Variants in FANCA observed in about 807,000 individuals in gnomAD.
FANCA encodes the protein FA complementation group A.
FANCA carries 236 observed loss-of-function variants against 194.3 expected under a neutral mutation model. The ratio of observed to expected loss-of-function variants is 1.21; its 90% CI spans 1.09 to 1.35. The LOEUF (loss-of-function observed/expected upper bound fraction) is 1.35. Ranked by LOEUF, FANCA falls within the 40% of genes most tolerant of loss-of-function variation. The pLI is 0.00. For synonymous variants in FANCA, 1,014 were observed against 715.8 expected, an observed-to-expected ratio of 1.42 and a Z score of -6.65; for missense variants, 2,628 against 1,813.9, an observed-to-expected ratio of 1.45 and a Z score of -8.15.
intron 2 of FANCA, among the ~76,000 whole-genome samples, chr16:89,815,091 G>C (rs2041051633): frequency 6.6e-6 from 1 of 151,984 alleles, no homozygotes; most frequent in African/African-American, 2.4e-5. Flanking sequence ...AGGCTGGAGT[G>C]CAATGGCGGG....
intron 10 of FANCA, 77 bp downstream of exon 10, chr16:89,799,089 T>C (rs751090997): frequency 6.2e-7 from 1 of 1,614,088 alleles, no homozygotes; most frequent in Non-Finnish European, 8.5e-7. Context: ...TCTGGAAGTG[T>C]TTAAAATATC....
intron 36 of FANCA, chr16:89,744,741 C>G (rs2062205715): frequency 1.7e-6 from 1 of 594,490 alleles, no homozygotes; most frequent in Non-Finnish European, 3.1e-6. Context: ...ACTGGAAACT[C>G]CACCTCCTGG....
chr16:89,791,416 G>T lies in FANCA; in HGVS notation c.1346C>A (p.Ala449Glu). 2.5e-6 allele frequency: 4 copies of T among 1,614,010 alleles called. No homozygotes were observed. The highest frequency in any genetic ancestry group is 3.4e-6 in the Non-Finnish European group (4 of 1,179,948). The change falls in exon 14 of 43, where the codon GCA (alanine) becomes GAA (glutamate). Residue 449 changes from alanine (A) to glutamate (E), a missense_variant. Ala to Glu is a moderately radical substitution (Grantham distance 107, BLOSUM62 -1). Transcript: ENST00000389301. ...CAGGTCACTTACCTTGAACCAGTCT[G>T]CATATGACAGGAACGCAGAGGGGCC... ...LEGPSAFLSY[A>E]DWFKASFGST...
At chr16:89,790,501 C>A (rs535793508) in intron 14 of FANCA, among the ~76,000 whole-genome samples, 1 of 148,858 alleles carries the variant, frequency 6.7e-6, no homozygotes, top group Non-Finnish European at 1.5e-5. Flanking sequence ...GAGGACAAGA[C>A]GGGCGGATCA....
At chr16:89,739,902 G>C in intron 39 of FANCA, 92 bp downstream of exon 39, 1 of 1,578,644 alleles carries the variant, frequency 6.3e-7, no homozygotes, top group South Asian at 1.2e-5. Flanking sequence ...ACTTAGCAAG[G>C]AACCTCAAGG....
chr16:89,802,522 C>G (rs111291895), intron 8 of FANCA, among the ~76,000 whole-genome samples: 7,514 of 152,288 alleles, frequency 0.049, 662 homozygotes, highest in African/African-American at 0.17. Flanking sequence ...CTGCCTCAGC[C>G]TCCTGAGTGG....
At chr16:89,799,493 C>G (rs183146375) in intron 9 of FANCA, 112 bp downstream of exon 9, 2 of 1,127,900 alleles carry the variant, frequency 1.8e-6, no homozygotes, top group African/African-American at 3.1e-5. Flanking sequence ...GGACTCTGCA[C>G]AGTGAAACAT....
chr16:89,739,012 A>G, intron 41 of FANCA, 38 bp from the exon 42 acceptor site: 1 of 1,614,118 alleles, frequency 6.2e-7, no homozygotes, highest in Non-Finnish European at 8.5e-7. Context: ...GTTAGAAGAC[A>G]TACAGAAACA....
chr16:89,744,220 C>T (rs17233664), intron 36 of FANCA, among the ~76,000 whole-genome samples: 9,062 of 152,234 alleles, frequency 0.06, 415 homozygotes, highest in East Asian at 0.22. Flanking sequence ...CAGCAGACGG[C>T]GAGCAGCCAA....
At chr16:89,761,555 T>C (rs2038955069) in intron 29 of FANCA, among the ~76,000 whole-genome samples, 1 of 149,748 alleles carries the variant, frequency 6.7e-6, no homozygotes, top group Admixed American at 6.6e-5. Flanking sequence ...AAACCAAACA[T>C]TAAATTGAGG....
chr16:89,751,084 G>A (rs888742895), intron 31 of FANCA, among the ~76,000 whole-genome samples: 1 of 152,038 alleles, frequency 6.6e-6, no homozygotes, highest in Non-Finnish European at 1.5e-5. Flanking sequence ...GTAGAGATGG[G>A]GTTTCACCAT....
At chr16:89,796,629 G>A (rs950961326) in intron 10 of FANCA, among the ~76,000 whole-genome samples, 5 of 152,218 alleles carry the variant, frequency 3.3e-5, no homozygotes, top group East Asian at 1.9e-4. Context: ...CCACATCCCA[G>A]CAGGCCTATA....
At chr16:89,793,092 T>C (rs1054116127) in intron 11 of FANCA, among the ~76,000 whole-genome samples, 4 of 152,134 alleles carry the variant, frequency 2.6e-5, no homozygotes, top group Non-Finnish European at 4.4e-5. Context: ...CGGATAACTG[T>C]GGGTGAGCCT....
intron 10 of FANCA, among the ~76,000 whole-genome samples, chr16:89,796,652 C>T (rs1171564465): frequency 6.6e-6 from 1 of 152,228 alleles, no homozygotes; most frequent in African/African-American, 2.4e-5. Flanking sequence ...GACCACCAAA[C>T]CAAACCCAGA....
intron 10 of FANCA, chr16:89,798,506 G>GAAA: frequency 9.1e-7 from 1 of 1,103,028 alleles, no homozygotes; most frequent in Non-Finnish European, 1.1e-6. Context: ...GGAAACAGTG[G>GAAA]CAAATTCTAC....
chr16:89,744,661 G>A (rs578169550), intron 36 of FANCA: 1 of 418,960 alleles, frequency 2.4e-6, no homozygotes, highest in East Asian at 5.1e-5. Context: ...CACTGGCAGA[G>A]GCTGTTTTTT....
chr16:89,779,050 G>T, intron 18 of FANCA, 47 bp from the exon 19 acceptor site: 1 of 1,581,148 alleles, frequency 6.3e-7, no homozygotes, highest in Non-Finnish European at 8.7e-7. Context: ...GCAGCGAGAA[G>T]GCAATTCCCA....
chr16:89,745,249 G>A (rs1166327448), intron 35 of FANCA, among the ~76,000 whole-genome samples, 178 bp from the exon 36 acceptor site: 2 of 152,236 alleles, frequency 1.3e-5, no homozygotes, highest in African/African-American at 4.8e-5. Context: ...GCAGTTCCAT[G>A]AGGCATTTAT....
At chr16:89,749,959 T>A in intron 31 of FANCA, 57 bp from the exon 32 acceptor site, 1 of 1,598,600 alleles carries the variant, frequency 6.3e-7, no homozygotes, top group Non-Finnish European at 8.6e-7. Flanking sequence ...GCCCAGCCAG[T>A]CGGGGACCCA....
Sources: gnomAD v4.1 joint callset for allele counts (sites outside exome capture counted in the v4.1 genomes callset) on GRCh38, gnomAD v4.1.1 for gene constraint, MANE v1.5 for transcripts, NCBI Gene and HGNC (gene_info 2026-07-23, HGNC 2026-07-21) for gene names.